MYO1D: variants seen among roughly 807,000 people sequenced by gnomAD.
MYO1D encodes myosin ID, also known as unconventional myosin-Id.
MYO1D carries 83 observed loss-of-function variants against 122.0 expected under a neutral mutation model. That is an observed-to-expected ratio of 0.68 (90% CI 0.57 to 0.82). MYO1D has a LOEUF of 0.82. Ranked by LOEUF, MYO1D falls within the 40% of genes least tolerant of loss-of-function variation. MYO1D has a pLI of 0.00. For synonymous variants in MYO1D, 464 were observed against 446.9 expected (o/e 1.04, Z -0.48); for missense variants, 1,157 against 1,269.5 (o/e 0.91, Z 1.35).
intron 21 of MYO1D, among the ~76,000 whole-genome samples, chr17:32,600,425 C>A (rs535722960): frequency 6.6e-5 from 10 of 152,328 alleles, no homozygotes; most frequent in Non-Finnish European, 1.2e-4. Flanking sequence ...CATCTTCTTC[C>A]AGTGTAAGGC....
At chr17:32,819,563 T>C (rs2090642699) in intron 1 of MYO1D, among the ~76,000 whole-genome samples, 1 of 152,220 alleles carries the variant, frequency 6.6e-6, no homozygotes, top group Non-Finnish European at 1.5e-5. Context: ...TGAACTTTTC[T>C]GCAGGGAATG....
rs58466009 is a variant in MYO1D at position 32,818,125 on chromosome 17, C to CAAAAAAAAAAAAAAAAAAAA, written c.96-37361_96-37342dup. ...TGGGCGACAGAGCGAGACTCCGTCT[C>CAAAAAAAAAAAAAAAAAAAA]AAAAAAAAAAAAAAAAAAAAGAGGT... On this transcript the variant is annotated intron_variant, in intron 1 of 21. Coordinates refer to ENST00000318217, the MANE Select transcript of MYO1D (RefSeq NM_015194.3). 6.2e-3 allele frequency among the ~76,000 whole-genome samples: 286 copies of CAAAAAAAAAAAAAAAAAAAA among 45,818 alleles called. 1 individual carries two copies. Among genetic ancestry groups the CAAAAAAAAAAAAAAAAAAAA allele is most frequent in the East Asian group, 0.012 (15 of 1,248 alleles). The allele number at this position is 45,818 out of a possible 152,430, so 30.1% of individuals were successfully genotyped here.
chr17:32,557,141 G>A (rs2087074817), intron 21 of MYO1D, among the ~76,000 whole-genome samples: 1 of 147,594 alleles, frequency 6.8e-6, no homozygotes, highest in Non-Finnish European at 1.5e-5. Flanking sequence ...TTTTTGAGAT[G>A]GTGTTTCACT....
intron 21 of MYO1D, among the ~76,000 whole-genome samples, chr17:32,550,766 AG>A (rs1256236233): frequency 1.3e-5 from 2 of 152,162 alleles, no homozygotes; most frequent in Non-Finnish European, 2.9e-5. Context: ...GAGGCTGAGG[AG>A]GGAGGACAGC....
intron 21 of MYO1D, among the ~76,000 whole-genome samples, chr17:32,575,757 T>C (rs2087273939): frequency 6.6e-6 from 1 of 152,230 alleles, no homozygotes; most frequent in Admixed American, 6.5e-5. Flanking sequence ...ACTGCTAGAT[T>C]GATGGGTCAG....
At chr17:32,648,839 C>T (rs2088339349) in intron 19 of MYO1D, among the ~76,000 whole-genome samples, 1 of 152,136 alleles carries the variant, frequency 6.6e-6, no homozygotes, top group African/African-American at 2.4e-5. Context: ...CTATTTGTCC[C>T]ATTTGTTCTT....
At chr17:32,589,676 G>C (rs1170042620) in intron 21 of MYO1D, among the ~76,000 whole-genome samples, 2 of 152,200 alleles carry the variant, frequency 1.3e-5, no homozygotes, top group African/African-American at 2.4e-5. Flanking sequence ...CCTACGAACA[G>C]CTGTAGAACA....
intron 1 of MYO1D, among the ~76,000 whole-genome samples, chr17:32,785,007 A>C (rs2090279203): frequency 6.6e-6 from 1 of 152,174 alleles, no homozygotes; most frequent in South Asian, 2.1e-4. Context: ...GGAAACAAGG[A>C]ATCAGTGAAG....
At chr17:32,517,489 T>C (rs1003219414) in intron 21 of MYO1D, among the ~76,000 whole-genome samples, 15 of 152,328 alleles carry the variant, frequency 9.8e-5, no homozygotes, top group African/African-American at 3.1e-4. Context: ...TCAACCTTGA[T>C]TGCACGTTAA....
At chr17:32,672,437 T>C (rs1278997972) in intron 16 of MYO1D, among the ~76,000 whole-genome samples, 3 of 152,240 alleles carry the variant, frequency 2.0e-5, no homozygotes, top group African/African-American at 4.8e-5. Context: ...ACTACACTAC[T>C]ACATTCTTCA....
intron 14 of MYO1D, among the ~76,000 whole-genome samples, chr17:32,729,522 TA>T (rs200974106): frequency 6.6e-6 from 1 of 151,902 alleles, no homozygotes; most frequent in Non-Finnish European, 1.5e-5. Flanking sequence ...ATGAAGTTAC[TA>T]AAAAAAAGTG....
At chr17:32,494,951 A>C (rs374813680) in intron 21 of MYO1D, 36 bp from the exon 22 acceptor site, 1 of 1,562,720 alleles carries the variant, frequency 6.4e-7, no homozygotes, top group East Asian at 2.4e-5. Context: ...GGCAGTTAGC[A>C]GGCAGCATGA....
chr17:32,695,293 A>G (rs145912047), intron 16 of MYO1D, among the ~76,000 whole-genome samples: 35 of 152,328 alleles, frequency 2.3e-4, no homozygotes, highest in African/African-American at 8.4e-4. Context: ...GAATCCAATG[A>G]GCCACTGATC....
At chr17:32,524,212 C>T (rs913896079) in intron 21 of MYO1D, among the ~76,000 whole-genome samples, 2 of 152,128 alleles carry the variant, frequency 1.3e-5, no homozygotes, top group African/African-American at 4.8e-5. Flanking sequence ...GAATTTCCCA[C>T]AGTAAAAAAA....
intron 16 of MYO1D, among the ~76,000 whole-genome samples, chr17:32,690,500 G>T (rs535921335): frequency 6.6e-6 from 1 of 152,246 alleles, no homozygotes; most frequent in Admixed American, 6.5e-5. Context: ...TTATGTGTCG[G>T]CATCTGACAT....
Position 32,778,552 on chromosome 17 carries a change from G to A in MYO1D, c.326C>T (p.Thr109Met), listed in dbSNP as rs780229350. 22 of 1,613,770 alleles carry A rather than the reference G, an allele frequency of 1.4e-5. No individual in the cohort carries two copies. Among genetic ancestry groups the A allele is most frequent in the South Asian group, 3.3e-5 (3 of 91,064 alleles). Reference protein sequence around the residue: ...VISGESGAGKTEASKYIMQYI... With the variant: ...VISGESGAGKMEASKYIMQYI... ...CTGCATAATGTACTTACTGGCTTCCGTTTTACCAGCTCCACTTTCCCCTGG... is the reference window on the plus strand; with the variant it reads ...CTGCATAATGTACTTACTGGCTTCCATTTTACCAGCTCCACTTTCCCCTGG... Residue 109 changes from threonine to methionine, a missense_variant, in exon 3 of 22, where the codon ACG (threonine) becomes ATG (methionine). Physicochemically the swap from Thr to Met is moderately conservative, Grantham distance 81 (BLOSUM62 -1). Transcript: ENST00000318217.
At chr17:32,869,945 A>G (rs1288741944) in intron 1 of MYO1D, among the ~76,000 whole-genome samples, 1 of 152,046 alleles carries the variant, frequency 6.6e-6, no homozygotes, top group Non-Finnish European at 1.5e-5. Flanking sequence ...AAAAAGAAAA[A>G]AGAAAAGTAG....
intron 14 of MYO1D, among the ~76,000 whole-genome samples, chr17:32,732,931 TC>T (rs1567615699): frequency 6.6e-6 from 1 of 152,162 alleles, no homozygotes; most frequent in Non-Finnish European, 1.5e-5. Context: ...ACCACTGCAT[TC>T]CCCAGTGCCA....
intron 16 of MYO1D, among the ~76,000 whole-genome samples, chr17:32,686,824 C>G (rs1042810426): frequency 3.9e-4 from 60 of 152,156 alleles, no homozygotes; most frequent in African/African-American, 1.4e-3. Context: ...CATAATCACA[C>G]TACTGCACTT....
Sources: allele counts gnomAD v4.1 joint callset (sites outside exome capture counted in the v4.1 genomes callset), GRCh38; gene constraint gnomAD v4.1.1; transcripts MANE v1.5; gene names NCBI Gene and HGNC (gene_info 2026-07-23, HGNC 2026-07-21).